VPS4A: variants seen among roughly 807,000 people sequenced by gnomAD.
VPS4A encodes the protein vacuolar protein sorting 4 homolog A, also known as vacuolar protein sorting-associated protein 4A.
Under a neutral mutation model 52.3 loss-of-function variants are expected in VPS4A, and 20 were observed. The observed-to-expected ratio is 0.38, with a 90% confidence interval of 0.27 to 0.56. The LOEUF (loss-of-function observed/expected upper bound fraction) is 0.56. VPS4A is among the 20% of genes least tolerant of loss of function. The pLI is 0.72. For synonymous variants in VPS4A, 293 were observed against 227.7 expected (o/e 1.29, Z -2.58); for missense variants, 419 against 575.9 (o/e 0.73, Z 2.79).
At chr16:69,313,939 T>C (rs1965406644) in intron 1 of VPS4A, among the ~76,000 whole-genome samples, 1 of 151,658 alleles carries the variant, frequency 6.6e-6, no homozygotes, top group Non-Finnish European at 1.5e-5. Context: ...TTGGACCCCC[T>C]GTGTGTGAAA....
chr16:69,321,254 CCA>C lies in VPS4A; in HGVS notation c.1061_1062del (p.His354LeufsTer17). 2 of 1,554,582 alleles carry C rather than the reference CCA, an allele frequency of 1.3e-6. No homozygotes were observed. The highest frequency in any genetic ancestry group is 1.4e-5 in the African/African-American group (1 of 73,300). On this transcript the variant is annotated frameshift_variant, in exon 9 of 11. Transcript: ENST00000254950. LOFTEE classifies it high-confidence loss of function. The surrounding 1 kb of genome is among the most constrained non-coding windows in gnomAD (Gnocchi z 4.5). ...CAGCCCGTGAGGAAGGTGCAGTCGG[CCA>C]CACACTTCAAAAAGGTGAGTGCCCG... is the stretch of plus-strand genomic sequence containing the variant.
chr16:69,322,533 G>A (rs1424948095), intron 9 of VPS4A, 27 bp from the exon 10 acceptor site: 2 of 1,600,492 alleles, frequency 1.2e-6, no homozygotes, highest in Admixed American at 3.4e-5. Context: ...AGGGGCAGCT[G>A]CCCCAGTCAG....
At chr16:69,324,115 C>T (rs1005115879) in intron 10 of VPS4A, 93 bp from the exon 11 acceptor site, 20 of 1,346,112 alleles carry the variant, frequency 1.5e-5, no homozygotes, top group Non-Finnish European at 2.0e-5. Context: ...AGGCAAACCT[C>T]TTCCCACCCT....
rs767515591 is a variant in VPS4A at position 69,316,043 on chromosome 16, G to A, written c.57G>A (p.Glu19=). 1.3e-5 allele frequency: 21 copies of A among 1,613,626 alleles called. No individual in the cohort carries two copies. In the Admixed American group the frequency reaches 1.5e-4, roughly 12 times the overall value. The change falls in exon 2 of 11, where the codon GAG becomes GAA. Residue 19 remains glutamate (E), a synonymous_variant. Transcript: ENST00000254950. ...AIDLVTKATE[E]DKAKNYEEAL... ...ATCTGGTGACGAAAGCCACAGAGGA[G>A]GACAAAGCCAAGAACTACGAGGAGG...
chr16:69,323,603 G>GT, intron 10 of VPS4A: 1 of 455,884 alleles, frequency 2.2e-6, no homozygotes, highest in South Asian at 1.5e-5. Context: ...AGCCTGGCCC[G>GT]TGCCATCCTG....
rs1424574629 is a variant in VPS4A, at chr16:69,324,517, T to C, written c.*208T>C. Reference sequence around the variant, plus strand: ...CTGCCCTGGGGCACACAGTGGACACTGCTCTTCCTACTTCCTCCTCTCCTG... The same window carrying C: ...CTGCCCTGGGGCACACAGTGGACACCGCTCTTCCTACTTCCTCCTCTCCTG... On this transcript the variant is annotated 3_prime_UTR_variant, in exon 11 of 11. Transcript: ENST00000254950. 3.5e-6 allele frequency: 2 copies of C among 575,300 alleles called. No individual in the cohort carries two copies. Among genetic ancestry groups the C allele is most frequent in the Non-Finnish European group, 6.2e-6 (2 of 321,052 alleles). The allele number at this position is 575,300 out of a possible 1,614,324, so 35.6% of individuals were successfully genotyped here. A position where few individuals can be genotyped will look rare whatever the true frequency, so the allele number is the denominator to read the frequency against.
intron 1 of VPS4A, among the ~76,000 whole-genome samples, chr16:69,313,126 C>T (rs1442979934): frequency 6.6e-6 from 1 of 151,520 alleles, no homozygotes; most frequent in Admixed American, 6.6e-5. Context: ...TTACAGGCAC[C>T]TCCCATCACA....
At chr16:69,319,980 G>A (rs114790041) in intron 6 of VPS4A, among the ~76,000 whole-genome samples, 161 bp from the exon 7 acceptor site, 1 of 152,346 alleles carries the variant, frequency 6.6e-6, no homozygotes, top group Non-Finnish European at 1.5e-5. Flanking sequence ...TCCTCTTGGT[G>A]CAGTGTGGCC....
In VPS4A at chr16:69,324,196, T is replaced by C; in HGVS notation, c.1213-12T>C. The C allele has an allele frequency of 6.2e-7, 1 of 1,611,164 alleles. No individual in the cohort carries two copies. Among genetic ancestry groups the C allele is most frequent in the Non-Finnish European group, 8.5e-7 (1 of 1,178,638 alleles). ...CTGGCTCCTGCTCAGGCACATACTG[T>C]TGCCTTCACAGTCGGACATGCTGCG... On this transcript the variant is annotated splice_polypyrimidine_tract_variant and intron_variant, in intron 10 of 10. Transcript: ENST00000254950.
intron 6 of VPS4A, 72 bp downstream of exon 6, chr16:69,319,615 G>A: frequency 6.5e-7 from 1 of 1,542,824 alleles, no homozygotes; most frequent in Non-Finnish European, 8.8e-7. Flanking sequence ...CCACCCTGTG[G>A]AGTCACCTCT....
intron 1 of VPS4A, among the ~76,000 whole-genome samples, chr16:69,313,268 A>C (rs1965399462): frequency 6.6e-6 from 1 of 152,154 alleles, no homozygotes; most frequent in South Asian, 2.1e-4. Flanking sequence ...TACAGATGTG[A>C]GCCACTGTGC....
intron 10 of VPS4A, 78 bp downstream of exon 10, chr16:69,322,778 GTCT>G: frequency 6.6e-7 from 1 of 1,518,268 alleles, no homozygotes; most frequent in Non-Finnish European, 8.9e-7. Context: ...AATAAAAACG[GTCT>G]TCTCCAGGCC....
In VPS4A at chr16:69,311,357, G is replaced by A. The variant is rs1253673821; in HGVS notation, c.-155G>A. On this transcript the variant is annotated 5_prime_UTR_variant, in exon 1 of 11. Coordinates refer to ENST00000254950, the MANE Select transcript of VPS4A (RefSeq NM_013245.3). The stretch of plus-strand genomic sequence containing the variant: ...GGGCTGCGCTCCTCGCTTGCCCTCG[G>A]ACTCGGCTCCCGCTGCGAGCGGCCG... The A allele has an allele frequency of 1.0e-5, 8 of 802,680 alleles. No individual in the cohort carries two copies. The South Asian group carries it at 2.5e-4, about 25-fold the overall frequency. The allele number at this position is 802,680 out of a possible 1,614,324, so 49.7% of individuals were successfully genotyped here.
chr16:69,323,611 C>T (rs1474400364), intron 10 of VPS4A: 1 of 456,006 alleles, frequency 2.2e-6, no homozygotes, highest in East Asian at 7.0e-5. Flanking sequence ...CCGTGCCATC[C>T]TGGCAAGGGT....
At chr16:69,323,067 C>G (rs1245286125) in intron 10 of VPS4A, 1 of 163,368 alleles carries the variant, frequency 6.1e-6, no homozygotes, top group East Asian at 1.8e-4. Context: ...GACTCCGTCT[C>G]AAAAATAAAA....
At chr16:69,317,395 C>A (rs1403584726) in intron 3 of VPS4A, among the ~76,000 whole-genome samples, 1 of 152,182 alleles carries the variant, frequency 6.6e-6, no homozygotes, top group Non-Finnish European at 1.5e-5. Context: ...TGGTGGCTCA[C>A]ACCTGTAATC....
In VPS4A at chr16:69,322,803, C is replaced by G. The variant is rs1965530521; in HGVS notation, c.1212+103C>G. ...GTCTTCTCCAGGCCAGGCATGGTAG[C>G]TCACGCCTGTAATCCCAGCACTTTG... On this transcript the variant is annotated intron_variant, in intron 10 of 10. Coordinates refer to ENST00000254950, the MANE Select transcript of VPS4A (RefSeq NM_013245.3). The G allele has an allele frequency of 3.5e-6, 5 of 1,437,046 alleles. No homozygotes were observed. The East Asian group carries it at 1.2e-4, about 34-fold the overall frequency. 89.0% of individuals were successfully genotyped at this position (1,437,046 alleles called of 1,614,324 possible). A position where few individuals can be genotyped will look rare whatever the true frequency, so the allele number is the denominator to read the frequency against.
At position 69,311,397 on chromosome 16, in the gene VPS4A, C is replaced by G. The variant is rs1276776574; in HGVS notation, c.-115C>G. The G allele has an allele frequency of 2.6e-6, 3 of 1,152,894 alleles. No individual in the cohort carries two copies. The highest frequency in any genetic ancestry group is 3.3e-6 in the Non-Finnish European group (3 of 911,340). 71.4% of individuals were successfully genotyped at this position (1,152,894 alleles called of 1,614,324 possible). A position where few individuals can be genotyped will look rare whatever the true frequency, so the allele number is the denominator to read the frequency against. On this transcript the variant is annotated 5_prime_UTR_variant, in exon 1 of 11. Transcript: ENST00000254950. The stretch of plus-strand genomic sequence containing the variant: ...GCGAGCGGCCGCCCTGCCCGCGCAC[C>G]GCGCTCAGCGCCCACCGCCGGGCTT...
At chr16:69,318,294 G>A (rs991047659) in intron 3 of VPS4A, among the ~76,000 whole-genome samples, 20 of 152,144 alleles carry the variant, frequency 1.3e-4, no homozygotes, top group Admixed American at 2.6e-4. Flanking sequence ...AGCCACTGCA[G>A]GTGGCCTCCC....
Sources: gnomAD v4.1 joint callset for allele counts (sites outside exome capture counted in the v4.1 genomes callset) on GRCh38, gnomAD v4.1.1 for gene constraint, Gnocchi (gnomAD v3.1) non-coding constraint, MANE v1.5 for transcripts, NCBI Gene and HGNC (gene_info 2026-07-23, HGNC 2026-07-21) for gene names.